Variants in RDH11 observed in about 807,000 individuals in gnomAD.
The protein encoded by RDH11 is retinol dehydrogenase 11.
RDH11 carries 19 observed loss-of-function variants against 33.4 expected under a neutral mutation model. The ratio of observed to expected loss-of-function variants is 0.57; its 90% confidence interval spans 0.40 to 0.83. RDH11 has a LOEUF of 0.83. Ranked by LOEUF, RDH11 falls within the 40% of genes least tolerant of loss-of-function variation. The pLI, the probability that RDH11 is intolerant of heterozygous loss-of-function variation, is 0.00. For synonymous variants in RDH11, 154 were observed against 155.3 expected, an observed-to-expected ratio of 0.99 and a Z score of 0.06; for missense variants, 353 against 389.0, an observed-to-expected ratio of 0.91 and a Z score of 0.78.
chr14:67,682,008 C>T (rs1470478464), intron 6 of RDH11, among the ~76,000 whole-genome samples: 2 of 152,166 alleles, frequency 1.3e-5, no homozygotes, highest in Non-Finnish European at 2.9e-5. Flanking sequence ...TGCTTGCCCT[C>T]TCACCATGTG....
At chr14:67,693,522 A>G (rs2037781718) in intron 1 of RDH11, among the ~76,000 whole-genome samples, 1 of 151,794 alleles carries the variant, frequency 6.6e-6, no homozygotes, top group Non-Finnish European at 1.5e-5. Flanking sequence ...AACAAGAAAA[A>G]AAAAACACAC....
intron 3 of RDH11, 143 bp from the exon 4 acceptor site, chr14:67,691,387 G>T: frequency 4.9e-6 from 3 of 611,652 alleles, no homozygotes; most frequent in East Asian, 2.7e-5. Context: ...ATTTTCTATT[G>T]TTTTTCATTT....
At chr14:67,688,303 G>C (rs2037706196) in intron 5 of RDH11, among the ~76,000 whole-genome samples, 2 of 152,124 alleles carry the variant, frequency 1.3e-5, no homozygotes, top group African/African-American at 4.8e-5. Context: ...TCCAGATGTT[G>C]TTAAGGAAAT....
chr14:67,693,133 T>G, intron 1 of RDH11, 81 bp from the exon 2 acceptor site: 1 of 886,464 alleles, frequency 1.1e-6, no homozygotes, highest in Non-Finnish European at 1.8e-6. Context: ...CTGTGTCTTC[T>G]GGCTGAGGTT....
Position 67,690,289 on chromosome 14 carries a change from T to C in RDH11, c.587A>G (p.Tyr196Cys). The change falls in exon 5 of 7, where the codon TAC (tyrosine) becomes TGC (cysteine). Residue 196 changes from tyrosine to cysteine, a missense_variant. Physicochemically the swap from Tyr to Cys is radical, Grantham distance 194. Coordinates refer to ENST00000381346, the MANE Select transcript of RDH11 (RefSeq NM_016026.4). Reference protein sequence around the residue: ...HFHNLQGEKFYNAGLAYCHSK... With the variant: ...HFHNLQGEKFCNAGLAYCHSK... The stretch of plus-strand genomic sequence containing the variant: ...GTGACAGTAGGCCAGGCCTGCATTG[T>C]AGAATTTCTCGCCCTGCAGGTTATG... 2 of 1,614,198 alleles carry C rather than the reference T, an allele frequency of 1.2e-6. No individual in the cohort carries two copies. Among genetic ancestry groups the C allele is most frequent in the African/African-American group, 1.3e-5 (1 of 75,044 alleles).
At chr14:67,685,244 T>C (rs751522756) in intron 5 of RDH11, 40 bp from the exon 6 acceptor site, 2 of 1,560,160 alleles carry the variant, frequency 1.3e-6, no homozygotes, top group Non-Finnish European at 1.7e-6. Flanking sequence ...AGACAGGACT[T>C]GATTTTGCAG....
At position 67,695,750 on chromosome 14, in the gene RDH11, C is replaced by T; in HGVS notation, c.-47G>A. 1.3e-6 allele frequency: 2 copies of T among 1,570,096 alleles called. No individual in the cohort carries two copies. The highest frequency in any genetic ancestry group is 1.4e-5 in the African/African-American group (1 of 73,944). ...CAGAGCGGGATGCTCCAGCGTTGCT[C>T]GCCGACTATGGCTTCTCTTTCTAGA... On this transcript the variant is annotated 5_prime_UTR_variant, in exon 1 of 7. Coordinates refer to ENST00000381346, the MANE Select transcript of RDH11 (RefSeq NM_016026.4).
rs752811983 is a variant in RDH11, at chr14:67,692,498, G to A, written c.289C>T (p.Arg97Trp). ...TTAGTATCAGACAGGTCCAGTTTCC[G>A]CACCAACACCTGCTGGTTCCCTGTC... ...TTTGNQQVLV[R>W]KLDLSDTKSI... Residue 97 changes from arginine (R) to tryptophan (W), a missense_variant, in exon 3 of 7, where the codon CGG becomes TGG. Physicochemically the swap from Arg to Trp is moderately radical, Grantham distance 101. Transcript: ENST00000381346. 24 of 1,613,618 alleles carry A rather than the reference G, an allele frequency of 1.5e-5. No homozygotes were observed. The Middle Eastern group carries it at 6.6e-4, about 44-fold the overall frequency.
chr14:67,691,220 A>G lies in RDH11; in HGVS notation c.374T>C (p.Ile125Thr). ...ACACATCATCACTCCTGCATTGTTG[A>G]TCAAAACGTGGAGGTGCTTTTCCTC... The part of the protein sequence containing the change: ...LAEEKHLHVL[I>T]NNAGVMMCPY... The change falls in exon 4 of 7, where the codon ATC becomes ACC. Residue 125 changes from isoleucine (I) to threonine (T), a missense_variant. Coordinates refer to ENST00000381346, the MANE Select transcript of RDH11 (RefSeq NM_016026.4). 6.2e-7 allele frequency: 1 copy of G among 1,613,906 alleles called. No homozygotes were observed. Among genetic ancestry groups the G allele is most frequent in the Non-Finnish European group, 8.5e-7 (1 of 1,179,952 alleles).
Position 67,695,749 on chromosome 14 carries a change from T to C in RDH11, c.-46A>G. The stretch of plus-strand genomic sequence containing the variant: ...CCAGAGCGGGATGCTCCAGCGTTGC[T>C]CGCCGACTATGGCTTCTCTTTCTAG... On this transcript the variant is annotated 5_prime_UTR_variant, in exon 1 of 7. Coordinates refer to ENST00000381346, the MANE Select transcript of RDH11 (RefSeq NM_016026.4). 2 of 1,570,942 alleles carry C rather than the reference T, an allele frequency of 1.3e-6. No homozygotes were observed. The highest frequency in any genetic ancestry group is 1.7e-6 in the Non-Finnish European group (2 of 1,143,530).
rs377759771 is a variant in RDH11 at position 67,690,258 on chromosome 14, C to T, written c.618G>A (p.Lys206=). Residue 206 remains lysine (K), a synonymous_variant, in exon 5 of 7, where the codon AAG becomes AAA. Transcript: ENST00000381346. ...CCTGGGTGAAGAGGATGTTGGCTAG[C>T]TTGCTGTGACAGTAGGCCAGGCCTG... The part of the protein sequence containing the change: ...YNAGLAYCHS[K]LANILFTQEL... 95 of 1,613,942 alleles carry T rather than the reference C, an allele frequency of 5.9e-5. No individual in the cohort carries two copies. Among genetic ancestry groups the T allele is most frequent in the Non-Finnish European group, 7.5e-5 (89 of 1,180,028 alleles).
At chr14:67,693,495 G>C (rs750367107) in intron 1 of RDH11, among the ~76,000 whole-genome samples, 2 of 149,848 alleles carry the variant, frequency 1.3e-5, no homozygotes, top group Non-Finnish European at 3.0e-5. Flanking sequence ...GAAAGCTTGT[G>C]ACTCTGGGAC....
At chr14:67,693,468 C>T (rs2037780617) in intron 1 of RDH11, among the ~76,000 whole-genome samples, 2 of 151,024 alleles carry the variant, frequency 1.3e-5, no homozygotes, top group South Asian at 4.2e-4. Flanking sequence ...TAATCCAATA[C>T]AAAAAGTTAA....
chr14:67,678,298 T>C lies in RDH11; in HGVS notation c.*23A>G. 1.4e-6 allele frequency: 2 copies of C among 1,464,196 alleles called. No individual in the cohort carries two copies. The highest frequency in any genetic ancestry group is 1.9e-6 in the Non-Finnish European group (2 of 1,043,370). The allele number at this position is 1,464,196 out of a possible 1,614,324, so 90.7% of individuals were successfully genotyped here. On this transcript the variant is annotated 3_prime_UTR_variant, in exon 7 of 7. Transcript: ENST00000381346. ...CTGTGTAGTCTGCTGCAGTCTTCTC[T>C]TGGGTCCAACTGGCACTGCCTGTTA...
At chr14:67,680,289 A>G (rs2037598483) in intron 6 of RDH11, among the ~76,000 whole-genome samples, 1 of 152,248 alleles carries the variant, frequency 6.6e-6, no homozygotes, top group South Asian at 2.1e-4. Flanking sequence ...AAAGATCATC[A>G]GTGAGAACCA....
At chr14:67,680,784 A>G (rs1298230102) in intron 6 of RDH11, among the ~76,000 whole-genome samples, 1 of 152,232 alleles carries the variant, frequency 6.6e-6, no homozygotes, top group Non-Finnish European at 1.5e-5. Flanking sequence ...AAGTGTGCCT[A>G]TGGCATCAGC....
Position 67,677,233 on chromosome 14 carries a change from T to G in RDH11, c.*1088A>C, listed in dbSNP as rs760549319. On this transcript the variant is annotated 3_prime_UTR_variant, in exon 7 of 7. Coordinates refer to ENST00000381346, the MANE Select transcript of RDH11 (RefSeq NM_016026.4). ...AAAATACAAAATTTTGGCACAGACATTTTAATCTTGTCAAGACAATGTAAG... is the reference window on the plus strand; with the variant it reads ...AAAATACAAAATTTTGGCACAGACAGTTTAATCTTGTCAAGACAATGTAAG... 1 of 152,136 alleles carries G rather than the reference T, an allele frequency of 6.6e-6. No individual in the cohort carries two copies. The highest frequency in any genetic ancestry group is 1.5e-5 in the Non-Finnish European group (1 of 68,034). The allele number at this position is 152,136 out of a possible 1,614,324, so 9.4% of individuals were successfully genotyped here.
chr14:67,683,393 A>G (rs2037638319), intron 6 of RDH11, among the ~76,000 whole-genome samples: 1 of 152,180 alleles, frequency 6.6e-6, no homozygotes, highest in Non-Finnish European at 1.5e-5. Context: ...CACATTTCCA[A>G]CTATCTGCTA....
chr14:67,694,163 T>C (rs1255550072), intron 1 of RDH11, among the ~76,000 whole-genome samples: 5 of 152,124 alleles, frequency 3.3e-5, no homozygotes, highest in Non-Finnish European at 2.9e-5. Context: ...CTCTTAGCCA[T>C]TGAAGCTACC....
Sources: gnomAD v4.1 joint callset for allele counts (sites outside exome capture counted in the v4.1 genomes callset) on GRCh38, gnomAD v4.1.1 for gene constraint, MANE v1.5 for transcripts, NCBI Gene and HGNC (gene_info 2026-07-23, HGNC 2026-07-21) for gene names.